The following SAP30 variants were observed in gnomAD, a reference collection of about 807,000 sequenced individuals.
The protein encoded by SAP30 is histone deacetylase complex subunit SAP30.
A neutral mutation model predicts 19.6 loss-of-function variants in SAP30; 13 were observed. The ratio of observed to expected loss-of-function variants is 0.66; its 90% CI spans 0.43 to 1.05. The LOEUF is 1.05. Among genes scored for constraint, SAP30 ranks in the 50% least tolerant of loss-of-function variants. The pLI is 0.00. For synonymous variants in SAP30, 108 were observed against 122.7 expected (o/e 0.88, Z 0.79); for missense variants, 257 against 292.1 (o/e 0.88, Z 0.88).
rs1487142456 is a variant in SAP30 at position 173,373,309 on chromosome 4, C to A, written c.316-81C>A. 2.3e-6 allele frequency: 3 copies of A among 1,277,156 alleles called. 1 individual carries two copies. In the East Asian group the frequency reaches 7.8e-5, roughly 33 times the overall value. 79.1% of individuals were successfully genotyped at this position (1,277,156 alleles called of 1,614,324 possible). On this transcript the variant is annotated intron_variant, in intron 1 of 3. Transcript: ENST00000296504. ...TTGGCTGTCTTTATTTTTAAGAACT[C>A]ACTGTGGCATATGTGTTTTACTAAT...
Position 173,371,161 on chromosome 4 carries a change from C to G in SAP30, c.-22C>G, listed in dbSNP as rs1738919566. 4 of 1,478,800 alleles carry G rather than the reference C, an allele frequency of 2.7e-6. No individual in the cohort carries two copies. Among genetic ancestry groups the G allele is most frequent in the Non-Finnish European group, 2.7e-6 (3 of 1,120,402 alleles). 91.6% of individuals were successfully genotyped at this position (1,478,800 alleles called of 1,614,324 possible). ...AGGAGAGAGGGGATTTCTGTCAGCGCCGGCCTCGGGAGCTCGGAGACATGA... is the reference window on the plus strand; with the variant it reads ...AGGAGAGAGGGGATTTCTGTCAGCGGCGGCCTCGGGAGCTCGGAGACATGA... On this transcript the variant is annotated 5_prime_UTR_variant, in exon 1 of 4. Coordinates refer to ENST00000296504, the MANE Select transcript of SAP30 (RefSeq NM_003864.4). This position sits in a 1 kb window ranked among gnomAD's most constrained non-coding sequence, Gnocchi z 6.4.
rs747828833 is a variant in SAP30 at position 173,370,966 on chromosome 4, C to G, written c.-217C>G. ...GTCCCCATGTGACAGTGAGCGGGGTCCCCGCTCCAGGAGACGCTCGAGTCT... is the reference window on the plus strand; with the variant it reads ...GTCCCCATGTGACAGTGAGCGGGGTGCCCGCTCCAGGAGACGCTCGAGTCT... On this transcript the variant is annotated 5_prime_UTR_variant, in exon 1 of 4. Coordinates refer to ENST00000296504, the MANE Select transcript of SAP30 (RefSeq NM_003864.4). The G allele has an allele frequency of 1.0e-5, 3 of 290,424 alleles. No individual in the cohort carries two copies. The highest frequency in any genetic ancestry group is 1.8e-5 in the Non-Finnish European group (3 of 167,890). 18.0% of individuals were successfully genotyped at this position (290,424 alleles called of 1,614,324 possible).
chr4:173,374,983 T>C (rs912941907), intron 3 of SAP30, among the ~76,000 whole-genome samples: 1 of 150,936 alleles, frequency 6.6e-6, no homozygotes, highest in African/African-American at 2.4e-5. Flanking sequence ...CAGGATATAA[T>C]AGAACCAAGA....
chr4:173,371,433 G>C lies in SAP30; in HGVS notation c.251G>C (p.Ser84Thr). The C allele has an allele frequency of 1.3e-6, 2 of 1,592,566 alleles. No individual in the cohort carries two copies. Among genetic ancestry groups the C allele is most frequent in the African/African-American group, 1.3e-5 (1 of 74,344 alleles). Residue 84 changes from serine (S) to threonine (T), a missense_variant, in exon 1 of 4, where the codon AGC becomes ACC. Ser to Thr is a moderately conservative substitution (Grantham distance 58). Transcript: ENST00000296504. The surrounding 1 kb of genome is among the most constrained non-coding windows in gnomAD (Gnocchi z 6.4). ...TGCGGCCGGGCGGCAGGCAACGCCA[G>C]CTTCAGCAAGAGGATCCAGAAGAGC... ...ERCGRAAGNASFSKRIQKSIS... is the reference protein window; with the variant it reads ...ERCGRAAGNATFSKRIQKSIS...
In SAP30 at chr4:173,374,053, A is replaced by G; in HGVS notation, c.540+16A>G. ...ACTTGTTGAGGTATATATGAGTTTT[A>G]AACTATTTGAACTATCTGCACAACC... On this transcript the variant is annotated intron_variant, in intron 3 of 3. Coordinates refer to ENST00000296504, the MANE Select transcript of SAP30 (RefSeq NM_003864.4). 7.1e-7 allele frequency: 1 copy of G among 1,409,052 alleles called. No homozygotes were observed. Among genetic ancestry groups the G allele is most frequent in the Non-Finnish European group, 9.9e-7 (1 of 1,013,474 alleles). 87.3% of individuals were successfully genotyped at this position (1,409,052 alleles called of 1,614,324 possible).
In SAP30 at chr4:173,371,092, C is replaced by T. The variant is rs1297406921; in HGVS notation, c.-91C>T. 21 of 1,321,418 alleles carry T rather than the reference C, an allele frequency of 1.6e-5. No homozygotes were observed. The highest frequency in any genetic ancestry group is 1.9e-5 in the Non-Finnish European group (19 of 1,022,842). The allele number at this position is 1,321,418 out of a possible 1,614,324, so 81.9% of individuals were successfully genotyped here. Reference sequence around the variant, plus strand: ...CCGTGCCGCTGTCTAACTTGGTGTGCAGAGTGAATTGCCGCTGCCGGAGCG... The same window carrying T: ...CCGTGCCGCTGTCTAACTTGGTGTGTAGAGTGAATTGCCGCTGCCGGAGCG... On this transcript the variant is annotated 5_prime_UTR_variant, in exon 1 of 4. Transcript: ENST00000296504. This position sits in a 1 kb window ranked among gnomAD's most constrained non-coding sequence, Gnocchi z 6.4.
At position 173,371,612 on chromosome 4, in the gene SAP30, G is replaced by A. The variant is rs1738936384; in HGVS notation, c.315+115G>A. 3 of 1,463,946 alleles carry A rather than the reference G, an allele frequency of 2.0e-6. No homozygotes were observed. The highest frequency in any genetic ancestry group is 1.8e-6 in the Non-Finnish European group (2 of 1,105,772). 90.7% of individuals were successfully genotyped at this position (1,463,946 alleles called of 1,614,324 possible). On this transcript the variant is annotated intron_variant, in intron 1 of 3. Coordinates refer to ENST00000296504, the MANE Select transcript of SAP30 (RefSeq NM_003864.4). The surrounding 1 kb of genome is among the most constrained non-coding windows in gnomAD (Gnocchi z 6.4). ...CAGACAACCGCACTGGCTGCAGTGC[G>A]GTCTCGTGGAGTCTGTGTTTGGAAG...
Position 173,371,171 on chromosome 4 carries a change from G to A in SAP30, c.-12G>A. The A allele has an allele frequency of 6.7e-7, 1 of 1,487,254 alleles. No homozygotes were observed. The highest frequency in any genetic ancestry group is 8.9e-7 in the Non-Finnish European group (1 of 1,125,918). The allele number at this position is 1,487,254 out of a possible 1,614,324, so 92.1% of individuals were successfully genotyped here. ...GGATTTCTGTCAGCGCCGGCCTCGG[G>A]AGCTCGGAGACATGAACGGCTTCAC... On this transcript the variant is annotated 5_prime_UTR_variant, in exon 1 of 4. Transcript: ENST00000296504. This position sits in a 1 kb window ranked among gnomAD's most constrained non-coding sequence, Gnocchi z 6.4.
intron 3 of SAP30, among the ~76,000 whole-genome samples, chr4:173,374,631 A>G (rs777353328): frequency 5.9e-5 from 9 of 152,150 alleles, no homozygotes; most frequent in Non-Finnish European, 1.3e-4. Context: ...GAAATCTATT[A>G]ATTTTAAAAC....
intron 3 of SAP30, among the ~76,000 whole-genome samples, chr4:173,374,358 C>A (rs539878749): frequency 6.6e-6 from 1 of 152,186 alleles, no homozygotes; most frequent in East Asian, 1.9e-4. Context: ...TCATTGAAAC[C>A]TCTACCTACC....
intron 1 of SAP30, among the ~76,000 whole-genome samples, chr4:173,372,399 A>G (rs1738957766): frequency 6.6e-6 from 1 of 152,196 alleles, no homozygotes; most frequent in Non-Finnish European, 1.5e-5. Flanking sequence ...TGAAAAGTTT[A>G]TTTGTGACAC....
At chr4:173,373,267 C>A in intron 1 of SAP30, 123 bp from the exon 2 acceptor site, 2 of 751,002 alleles carry the variant, frequency 2.7e-6, no homozygotes, top group Non-Finnish European at 4.0e-6. Flanking sequence ...ATTCCATTAT[C>A]TTAACAATGG....
intron 3 of SAP30, 94 bp downstream of exon 3, chr4:173,374,131 A>C (rs1032656997): frequency 3.4e-6 from 2 of 581,066 alleles, no homozygotes; most frequent in African/African-American, 3.9e-5. Flanking sequence ...GTAACAGTAC[A>C]TTTTAATTAG....
intron 1 of SAP30, 83 bp from the exon 2 acceptor site, chr4:173,373,307 C>A: frequency 4.0e-6 from 5 of 1,256,678 alleles, no homozygotes; most frequent in Non-Finnish European, 5.3e-6. Context: ...TTTTTAAGAA[C>A]TCACTGTGGC....
Position 173,374,057 on chromosome 4 carries a change from T to C in SAP30, c.540+20T>C. ...GTTGAGGTATATATGAGTTTTAAAC[T>C]ATTTGAACTATCTGCACAACCGAGA... On this transcript the variant is annotated intron_variant, in intron 3 of 3. Coordinates refer to ENST00000296504, the MANE Select transcript of SAP30 (RefSeq NM_003864.4). 1.5e-6 allele frequency: 2 copies of C among 1,335,276 alleles called. No homozygotes were observed. Among genetic ancestry groups the C allele is most frequent in the Non-Finnish European group, 1.1e-6 (1 of 949,012 alleles). The allele number at this position is 1,335,276 out of a possible 1,614,324, so 82.7% of individuals were successfully genotyped here.
intron 3 of SAP30, among the ~76,000 whole-genome samples, chr4:173,376,467 A>T (rs1426091112): frequency 6.6e-6 from 1 of 152,210 alleles, no homozygotes; most frequent in East Asian, 1.9e-4. Context: ...TTTCAACTTC[A>T]TACTTCTTTT....
intron 3 of SAP30, among the ~76,000 whole-genome samples, chr4:173,375,592 A>G (rs1739021197): frequency 6.6e-6 from 1 of 152,184 alleles, no homozygotes; most frequent in African/African-American, 2.4e-5. Flanking sequence ...TAAACCTGTA[A>G]TTTTTGATAA....
At position 173,377,402 on chromosome 4, in the gene SAP30, G is replaced by T; in HGVS notation, c.*75G>T. On this transcript the variant is annotated 3_prime_UTR_variant, in exon 4 of 4. Coordinates refer to ENST00000296504, the MANE Select transcript of SAP30 (RefSeq NM_003864.4). ...TTTTTCACATGTAGAAATGTTCTTT[G>T]TGTATTTTTTCTACAGAGGATTTTC... 1 of 1,421,084 alleles carries T rather than the reference G, an allele frequency of 7.0e-7. No homozygotes were observed. Among genetic ancestry groups the T allele is most frequent in the African/African-American group, 1.5e-5 (1 of 67,066 alleles). The allele number at this position is 1,421,084 out of a possible 1,614,324, so 88.0% of individuals were successfully genotyped here.
At position 173,371,204 on chromosome 4, in the gene SAP30, G is replaced by T; in HGVS notation, c.22G>T (p.Glu8Ter). Residue 8 changes from glutamate to a stop codon, truncating the protein, a stop_gained, in exon 1 of 4, where the codon GAG (glutamate) becomes TAG (stop). Transcript: ENST00000296504. LOFTEE classifies it high-confidence loss of function. The surrounding 1 kb of genome is among the most constrained non-coding windows in gnomAD (Gnocchi z 6.4). ...AGACATGAACGGCTTCACGCCTGAC[G>T]AGATGAGCCGCGGCGGGGATGCGGC... MNGFTPD[E>*]MSRGGDAAAA... 1 of 1,484,928 alleles carries T rather than the reference G, an allele frequency of 6.7e-7. No homozygotes were observed. Among genetic ancestry groups the T allele is most frequent in the East Asian group, 2.9e-5 (1 of 34,574 alleles). The allele number at this position is 1,484,928 out of a possible 1,614,324, so 92.0% of individuals were successfully genotyped here. A position where few individuals can be genotyped will look rare whatever the true frequency, so the allele number is the denominator to read the frequency against.
Sources: gnomAD v4.1 joint callset for allele counts (sites outside exome capture counted in the v4.1 genomes callset) on GRCh38, gnomAD v4.1.1 for gene constraint, Gnocchi (gnomAD v3.1) non-coding constraint, MANE v1.5 for transcripts, NCBI Gene and HGNC (gene_info 2026-07-23, HGNC 2026-07-21) for gene names.